CHD9: variants seen among roughly 807,000 people sequenced by gnomAD.
The protein encoded by CHD9 is chromodomain helicase DNA binding protein 9, also known as ATP-dependent chromatin remodeler CHD9.
In CHD9, 77 loss-of-function variants were observed where a neutral mutation model predicts 316.1. The observed-to-expected ratio is 0.24, with a 90% CI of 0.20 to 0.29. CHD9 has a LOEUF of 0.29. Ranked by LOEUF, CHD9 falls within the 10% of genes least tolerant of loss-of-function variation. The pLI is 1.00. For synonymous variants in CHD9, 1,129 were observed against 1,158.3 expected (o/e 0.97, Z 0.51); for missense variants, 2,763 against 3,438.1 (o/e 0.80, Z 4.91).
intron 30 of CHD9, among the ~76,000 whole-genome samples, chr16:53,301,449 A>G (rs1413177017): frequency 6.6e-6 from 1 of 152,214 alleles, no homozygotes; most frequent in Non-Finnish European, 1.5e-5. Context: ...ACAACTCAAT[A>G]AGTATTTATG....
chr16:53,301,376 T>A (rs2055399034), intron 30 of CHD9, among the ~76,000 whole-genome samples: 1 of 152,214 alleles, frequency 6.6e-6, no homozygotes, highest in Non-Finnish European at 1.5e-5. Flanking sequence ...CAGTAATTTT[T>A]TTCACAGCAC....
At chr16:53,074,450 A>T (rs2034354454) in intron 1 of CHD9, among the ~76,000 whole-genome samples, 1 of 152,202 alleles carries the variant, frequency 6.6e-6, no homozygotes, top group African/African-American at 2.4e-5. Context: ...GACAATGGAG[A>T]AAATGTCTCC....
rs2056760567 is a variant in CHD9 at position 53,314,867 on chromosome 16, T to C, written c.7407T>C (p.Asn2469=). 1.2e-6 allele frequency: 2 copies of C among 1,613,700 alleles called. No homozygotes were observed. Among genetic ancestry groups the C allele is most frequent in the Non-Finnish European group, 1.7e-6 (2 of 1,179,780 alleles). The change falls in exon 36 of 39, where the codon AAT becomes AAC. Residue 2469 remains asparagine (N), a synonymous_variant. Transcript: ENST00000447540. ...LTSSQISTGI[N]PALSYTQPQG... ...CCTCACAGATTTCCACAGGGATAAA[T>C]CCAGCACTATCCTATACTCAACCTC... is the stretch of plus-strand genomic sequence containing the variant.
intron 1 of CHD9, among the ~76,000 whole-genome samples, chr16:53,115,435 T>G (rs998258213): frequency 1.3e-5 from 2 of 152,228 alleles, no homozygotes; most frequent in Non-Finnish European, 2.9e-5. Context: ...TCCTGGGAGA[T>G]TCTATGAGGT....
chr16:53,089,539 A>G (rs894250065), intron 1 of CHD9, among the ~76,000 whole-genome samples: 1 of 152,218 alleles, frequency 6.6e-6, no homozygotes, highest in African/African-American at 2.4e-5. Context: ...ATTTTTACAG[A>G]TGAGGAAATC....
At chr16:53,141,974 A>G (rs1423069294) in intron 1 of CHD9, among the ~76,000 whole-genome samples, 1 of 152,196 alleles carries the variant, frequency 6.6e-6, no homozygotes, top group Non-Finnish European at 1.5e-5. Flanking sequence ...TAGATTACCT[A>G]TGAGAGTGGC....
At chr16:53,297,780 A>G (rs1014286172) in intron 30 of CHD9, among the ~76,000 whole-genome samples, 2 of 152,166 alleles carry the variant, frequency 1.3e-5, no homozygotes, top group Non-Finnish European at 2.9e-5. Flanking sequence ...GCTAAACCCA[A>G]TGGCCTGCTA....
intron 2 of CHD9, among the ~76,000 whole-genome samples, chr16:53,178,058 A>T (rs2043205316): frequency 6.6e-6 from 1 of 152,202 alleles, no homozygotes; most frequent in Admixed American, 6.5e-5. Context: ...AGGCTCAGGC[A>T]GGTTCTGCAA....
intron 1 of CHD9, among the ~76,000 whole-genome samples, chr16:53,060,140 T>C (rs780099633): frequency 2.0e-5 from 3 of 152,172 alleles, no homozygotes; most frequent in Non-Finnish European, 4.4e-5. Context: ...GGCCAGGAGT[T>C]CAAGACCAGC....
intron 37 of CHD9, among the ~76,000 whole-genome samples, chr16:53,318,562 G>T (rs1458736579): frequency 6.6e-6 from 1 of 152,228 alleles, no homozygotes; most frequent in African/African-American, 2.4e-5. Flanking sequence ...TAACACATCT[G>T]TGCCTAAGCA....
chr16:53,198,486 C>G (rs567336885), intron 2 of CHD9, among the ~76,000 whole-genome samples: 2 of 152,074 alleles, frequency 1.3e-5, no homozygotes, highest in South Asian at 4.2e-4. Context: ...GCCACCACAC[C>G]CGGCTAATTT....
At chr16:53,139,081 GTTTTC>G (rs1043346797) in intron 1 of CHD9, among the ~76,000 whole-genome samples, 1 of 152,052 alleles carries the variant, frequency 6.6e-6, no homozygotes, top group Admixed American at 6.5e-5. Context: ...AAAGAGCCAT[GTTTTC>G]TTCTCTTAAG....
intron 24 of CHD9, among the ~76,000 whole-genome samples, chr16:53,278,851 A>G (rs1406059016): frequency 1.3e-5 from 2 of 152,306 alleles, no homozygotes; most frequent in Non-Finnish European, 2.9e-5. Context: ...TTAAAAAGTC[A>G]GGAAACAACA....
At chr16:53,125,053 AT>A (rs1443938331) in intron 1 of CHD9, among the ~76,000 whole-genome samples, 4 of 152,162 alleles carry the variant, frequency 2.6e-5, no homozygotes, top group Admixed American at 2.0e-4. Flanking sequence ...CATATTGGCT[AT>A]TTGTAGATCT....
At position 53,315,993 on chromosome 16, in the gene CHD9, G is replaced by C. The variant is rs570428734; in HGVS notation, c.7584+949G>C. On this transcript the variant is annotated intron_variant, in intron 36 of 38. Transcript: ENST00000447540. ...ATGATGGCTCATGCCCGTAATCCTAGCACTTTGGGAGGCCGAAATGGGCAA... is the reference window on the plus strand; with the variant it reads ...ATGATGGCTCATGCCCGTAATCCTACCACTTTGGGAGGCCGAAATGGGCAA... 3.3e-5 allele frequency among the ~76,000 whole-genome samples: 5 copies of C among 152,228 alleles called. No individual in the cohort carries two copies. In the South Asian group the frequency reaches 8.3e-4, roughly 25 times the overall value.
At position 53,325,144 on chromosome 16, in the gene CHD9, G is replaced by C. The variant is rs996271546; in HGVS notation, c.*249G>C. 1.8e-5 allele frequency: 6 copies of C among 326,236 alleles called. No homozygotes were observed. The highest frequency in any genetic ancestry group is 3.4e-5 in the Non-Finnish European group (6 of 178,494). The allele number at this position is 326,236 out of a possible 1,614,324, so 20.2% of individuals were successfully genotyped here. A position where few individuals can be genotyped will look rare whatever the true frequency, so the allele number is the denominator to read the frequency against. The stretch of plus-strand genomic sequence containing the variant: ...TTACAACAAAAGGCATTATAATTTT[G>C]TTGGGGGTTAATTTTATGAAAATTA... On this transcript the variant is annotated 3_prime_UTR_variant, in exon 39 of 39. Coordinates refer to ENST00000447540, the MANE Select transcript of CHD9 (RefSeq NM_001308319.2).
At chr16:53,068,370 C>T (rs987956403) in intron 1 of CHD9, among the ~76,000 whole-genome samples, 48 of 152,188 alleles carry the variant, frequency 3.2e-4, no homozygotes, top group African/African-American at 1.1e-3. Flanking sequence ...TATTCCTGCA[C>T]CGAGTTGCAT....
chr16:53,250,135 A>T, intron 17 of CHD9, 69 bp downstream of exon 17: 1 of 1,067,578 alleles, frequency 9.4e-7, no homozygotes, highest in Non-Finnish European at 1.4e-6. Flanking sequence ...CTTTTTGGTA[A>T]TCCACATCTT....
intron 1 of CHD9, among the ~76,000 whole-genome samples, chr16:53,056,064 T>C (rs79343696): frequency 0.014 from 2,148 of 152,280 alleles, 57 homozygotes; most frequent in African/African-American, 0.049. Context: ...CTTATGTTTG[T>C]TTGTTTTATA....
Sources: gnomAD v4.1 joint callset for allele counts (sites outside exome capture counted in the v4.1 genomes callset) on GRCh38, gnomAD v4.1.1 for gene constraint, MANE v1.5 for transcripts, NCBI Gene and HGNC (gene_info 2026-07-23, HGNC 2026-07-21) for gene names.